Variants in ANK1 observed in about 807,000 individuals in gnomAD.
The protein encoded by ANK1 is ankyrin-1.
ANK1 carries 51 observed loss-of-function variants against 210.4 expected under a neutral mutation model. The ratio of observed to expected loss-of-function variants is 0.24; its 90% CI spans 0.19 to 0.31. The LOEUF (loss-of-function observed/expected upper bound fraction) is 0.31, where lower values mean the gene tolerates loss of function less well. ANK1 is among the 10% of genes least tolerant of loss of function. The probability of loss-of-function intolerance (pLI) is 1.00; values close to 1 mark genes in which losing one functional copy is unlikely to be tolerated. For synonymous variants in ANK1, 967 were observed against 1,025.9 expected, an observed-to-expected ratio of 0.94 and a Z score of 1.10; for missense variants, 2,051 against 2,504.4, an observed-to-expected ratio of 0.82 and a Z score of 3.86.
chr8:41,827,872 CCA>C (rs1233553978), intron 1 of ANK1, among the ~76,000 whole-genome samples: 7 of 151,494 alleles, frequency 4.6e-5, no homozygotes, highest in African/African-American at 7.3e-5. Flanking sequence ...CTCACACACC[CCA>C]CACACATGCT....
chr8:41,851,968 C>T (rs1245000591), intron 1 of ANK1, among the ~76,000 whole-genome samples: 2 of 152,180 alleles, frequency 1.3e-5, no homozygotes, highest in East Asian at 3.8e-4. Context: ...TATTCATAAC[C>T]CTCCTCAGAG....
intron 42 of ANK1, among the ~76,000 whole-genome samples, chr8:41,657,513 G>T (rs1806172537): frequency 6.6e-6 from 1 of 152,218 alleles, no homozygotes; most frequent in Admixed American, 6.5e-5. Flanking sequence ...ATATTTCCCT[G>T]ACTAGATTAG....
intron 1 of ANK1, among the ~76,000 whole-genome samples, chr8:41,802,960 A>G (rs2355295): frequency 0.059 from 930 of 15,840 alleles, 78 homozygotes; most frequent in Middle Eastern, 0.11. Context: ...GGGGGGGGGG[A>G]GAGAGAGAGA....
chr8:41,833,054 C>T (rs1365608622), intron 1 of ANK1, among the ~76,000 whole-genome samples: 1 of 152,222 alleles, frequency 6.6e-6, no homozygotes, highest in African/African-American at 2.4e-5. Flanking sequence ...CCAACTCCCA[C>T]CCCTACCACA....
In ANK1 at chr8:41,782,087, C is replaced by T. The variant is rs1319772257; in HGVS notation, c.27+15425G>A. ...GGGGTTTGTGACAATGTGCAGAGCC[C>T]TCCATCTAGAGGAAACATTTCTTAT... is the stretch of plus-strand genomic sequence containing the variant. On this transcript the variant is annotated intron_variant, in intron 1 of 42. Coordinates refer to ENST00000289734, the MANE Select transcript of ANK1 (RefSeq NM_000037.4). Among the ~76,000 whole-genome samples the T allele has an allele frequency of 3.3e-5, 5 of 152,198 alleles. No homozygotes were observed. The East Asian group carries it at 7.7e-4, about 23-fold the overall frequency.
At chr8:41,742,025 C>T (rs1442404417) in intron 2 of ANK1, among the ~76,000 whole-genome samples, 3 of 152,166 alleles carry the variant, frequency 2.0e-5, no homozygotes, top group Non-Finnish European at 4.4e-5. Flanking sequence ...TTCTGAAAAG[C>T]GATCTGTGTG....
At chr8:41,703,456 T>A (rs1342744894) in intron 20 of ANK1, among the ~76,000 whole-genome samples, 37 of 79,286 alleles carry the variant, frequency 4.7e-4, no homozygotes, top group South Asian at 8.5e-4. Context: ...ATATATTTTT[T>A]TTTTTTTTTT....
chr8:41,677,513 T>C (rs760581500), intron 37 of ANK1, among the ~76,000 whole-genome samples: 11 of 152,118 alleles, frequency 7.2e-5, no homozygotes, highest in Non-Finnish European at 1.3e-4. Context: ...GTTATTTCTT[T>C]CTTCTTTAAA....
At chr8:41,883,440 ATGTTTGTTTGTTTGTTTGTT>A (rs10544043) in intron 1 of ANK1, among the ~76,000 whole-genome samples, 1 of 150,114 alleles carries the variant, frequency 6.7e-6, no homozygotes, top group African/African-American at 2.5e-5. Context: ...GAAGGATCTC[ATGTTTGTTTGTTTGTTTGTT>A]TGTTTGTTTG....
rs758454168 is a variant in ANK1 at position 41,695,321 on chromosome 8, C to T, written c.2971G>A (p.Val991Met). ...TGAQFLSPVI[V>M]EIPHFASHGR... ...TGGGAGGCAAAGTGCGGGATCTCCA[C>T]GATTACAGGGCTGAGGCAAGGACAC... Residue 991 changes from valine (V) to methionine (M), a missense_variant, in exon 27 of 43, where the codon GTG becomes ATG. Val to Met is a conservative substitution (Grantham distance 21). Coordinates refer to ENST00000289734, the MANE Select transcript of ANK1 (RefSeq NM_000037.4). 25 of 1,613,882 alleles carry T rather than the reference C, an allele frequency of 1.5e-5. No individual in the cohort carries two copies. Among genetic ancestry groups the T allele is most frequent in the African/African-American group, 5.3e-5 (4 of 74,902 alleles).
intron 1 of ANK1, among the ~76,000 whole-genome samples, chr8:41,809,219 G>C (rs529784292): frequency 6.6e-6 from 1 of 152,272 alleles, no homozygotes; most frequent in East Asian, 1.9e-4. Context: ...CCTTACACAT[G>C]CTGGCTTAGC....
intron 1 of ANK1, among the ~76,000 whole-genome samples, chr8:41,774,883 A>C (rs1457041351): frequency 2.6e-5 from 4 of 152,210 alleles, no homozygotes; most frequent in Non-Finnish European, 5.9e-5. Context: ...ATTTTGGAAA[A>C]TGTGGATGAG....
At chr8:41,893,574 A>G (rs1361088979) in intron 1 of ANK1, among the ~76,000 whole-genome samples, 3 of 152,206 alleles carry the variant, frequency 2.0e-5, no homozygotes, top group African/African-American at 7.2e-5. Flanking sequence ...AGTTACAACC[A>G]TGGTTATTTC....
chr8:41,763,090 C>T (rs1330566620), intron 1 of ANK1, among the ~76,000 whole-genome samples: 1 of 152,052 alleles, frequency 6.6e-6, no homozygotes, highest in Admixed American at 6.5e-5. Flanking sequence ...GTGGTGCATG[C>T]CTGTAATCCC....
chr8:41,698,079 A>G lies in ANK1; in HGVS notation c.2601T>C (p.Pro867=), dbSNP rs540851221. Residue 867 remains proline, a synonymous_variant, in exon 24 of 43, where the codon CCT becomes CCC. Coordinates refer to ENST00000289734, the MANE Select transcript of ANK1 (RefSeq NM_000037.4). ...CTTCTGACCTGATCACCACTGTCTC[A>G]GGCATGGCACAGGGAATCCTGGGGA... ...PAIPRIPCAM[P]ETVVIRSEEQ... is the part of the protein sequence containing the mutation. The G allele has an allele frequency of 1.9e-5, 31 of 1,614,102 alleles. No homozygotes were observed. In the South Asian group the frequency reaches 3.0e-4, roughly 15 times the overall value.
chr8:41,657,714 C>T (rs937785829), intron 42 of ANK1, among the ~76,000 whole-genome samples: 1 of 152,172 alleles, frequency 6.6e-6, no homozygotes, highest in South Asian at 2.1e-4. Flanking sequence ...GGCATGACTG[C>T]CCATTTCATC....
chr8:41,725,098 A>G (rs1446945337), intron 6 of ANK1, among the ~76,000 whole-genome samples: 1 of 152,150 alleles, frequency 6.6e-6, no homozygotes, highest in African/African-American at 2.4e-5. Flanking sequence ...CTGGGCTCAA[A>G]CCATCCTCCT....
intron 1 of ANK1, chr8:41,789,419 G>C (rs997367047): frequency 2.0e-5 from 3 of 152,266 alleles, no homozygotes; most frequent in Non-Finnish European, 4.4e-5. Context: ...GTGCGGACTG[G>C]AGATGCGGGG....
chr8:41,684,382 T>G lies in ANK1; in HGVS notation c.4537+162A>C, dbSNP rs536228152. The G allele has an allele frequency of 2.3e-5, 28 of 1,198,680 alleles. No individual in the cohort carries two copies. The East Asian group carries it at 6.5e-4, about 28-fold the overall frequency. 74.3% of individuals were successfully genotyped at this position (1,198,680 alleles called of 1,614,324 possible). On this transcript the variant is annotated intron_variant, in intron 37 of 42. Transcript: ENST00000289734. ...CCATCTCTCTCTCCTTCGCCTCTGCTTCCCCGGAAAGGAGGAACTTGTTGC... is the reference window on the plus strand; with the variant it reads ...CCATCTCTCTCTCCTTCGCCTCTGCGTCCCCGGAAAGGAGGAACTTGTTGC...
Sources: allele counts gnomAD v4.1 joint callset (sites outside exome capture counted in the v4.1 genomes callset), GRCh38; gene constraint gnomAD v4.1.1; transcripts MANE v1.5; gene names NCBI Gene and HGNC (gene_info 2026-07-23, HGNC 2026-07-21).